Variants in ATP8A1 observed in about 807,000 individuals in gnomAD.
ATP8A1 encodes the protein ATPase phospholipid transporting 8A1.
Under a neutral mutation model 177.7 loss-of-function variants are expected in ATP8A1, and 90 were observed. That is an observed-to-expected ratio of 0.51 (90% CI 0.43 to 0.60). The LOEUF is 0.60. Ranked by LOEUF, ATP8A1 falls within the 20% of genes least tolerant of loss-of-function variation. The pLI is 0.00. For synonymous variants in ATP8A1, 493 were observed against 485.9 expected (o/e 1.01, Z -0.19); for missense variants, 1,072 against 1,392.8 (o/e 0.77, Z 3.67).
rs2153174644 is a variant in ATP8A1, at chr4:42,443,582, G to A, written c.3106C>T (p.Pro1036Ser). The A allele has an allele frequency of 7.2e-7, 1 of 1,387,094 alleles. No individual in the cohort carries two copies. Among genetic ancestry groups the A allele is most frequent in the Non-Finnish European group, 1.0e-6 (1 of 972,838 alleles). 85.9% of individuals were successfully genotyped at this position (1,387,094 alleles called of 1,614,324 possible). Residue 1036 changes from proline (P) to serine (S), a missense_variant, in exon 33 of 37, where the codon CCT becomes TCT. Transcript: ENST00000381668. ...CACATTACCTCTCCTGACATATCAG[G>A]GGCCATCGGAATGGCAGGCCACAGA... is the stretch of plus-strand genomic sequence containing the variant. ...SSLWPAIPMAPDMSGEAAMLF... is the reference protein window; with the variant it reads ...SSLWPAIPMASDMSGEAAMLF...
chr4:42,410,227 C>G lies in ATP8A1; in HGVS notation c.*2689G>C, dbSNP rs1186117301. ...TTTAGAAAGTCCATGCTCAATACCACTGTATACTATTCAACATTAAAGAAG... is the reference window on the plus strand; with the variant it reads ...TTTAGAAAGTCCATGCTCAATACCAGTGTATACTATTCAACATTAAAGAAG... On this transcript the variant is annotated 3_prime_UTR_variant, in exon 37 of 37. Transcript: ENST00000381668. 6.6e-6 allele frequency: 1 copy of G among 152,118 alleles called. No individual in the cohort carries two copies. The highest frequency in any genetic ancestry group is 2.1e-4 in the South Asian group (1 of 4,824). 9.4% of individuals were successfully genotyped at this position (152,118 alleles called of 1,614,324 possible). A position where few individuals can be genotyped will look rare whatever the true frequency, so the allele number is the denominator to read the frequency against.
chr4:42,648,976 T>C lies in ATP8A1; in HGVS notation c.49+7849A>G, dbSNP rs552820696. Among the ~76,000 whole-genome samples the C allele has an allele frequency of 2.6e-5, 4 of 152,314 alleles. No homozygotes were observed. The East Asian group carries it at 7.7e-4, about 29-fold the overall frequency. On this transcript the variant is annotated intron_variant, in intron 1 of 36. Transcript: ENST00000381668. The stretch of plus-strand genomic sequence containing the variant: ...TCAGTGGGAGTGTAAACCAGTATAA[T>C]CTTTCTAGCAATTTTCAAATATGTA...
At chr4:42,421,271 A>G (rs1296560090) in intron 35 of ATP8A1, among the ~76,000 whole-genome samples, 1 of 152,168 alleles carries the variant, frequency 6.6e-6, no homozygotes, top group Non-Finnish European at 1.5e-5. Context: ...TGGGATGCTG[A>G]GTCAGAGATT....
At chr4:42,641,498 ATTTC>A (rs1650375703) in intron 1 of ATP8A1, among the ~76,000 whole-genome samples, 1 of 145,004 alleles carries the variant, frequency 6.9e-6, no homozygotes, top group African/African-American at 2.5e-5. Context: ...ATCCTTTTAA[ATTTC>A]TTTTTTTTTT....
rs796474319 is a variant in ATP8A1 at position 42,635,798 on chromosome 4, TATATATATATATAC to T, written c.50-8703_50-8690del. Among the ~76,000 whole-genome samples the T allele has an allele frequency of 9.7e-3, 1,116 of 114,704 alleles. 51 individuals carry two copies. Among genetic ancestry groups the T allele is most frequent in the African/African-American group, 0.033 (981 of 29,426 alleles). 75.3% of individuals were successfully genotyped at this position (114,704 alleles called of 152,430 possible). ...ACACACACACATATATATATATATA[TATATATATATATAC>T]ACATGTATGTATGTATGTAAGCTTC... On this transcript the variant is annotated intron_variant, in intron 1 of 36. Transcript: ENST00000381668.
chr4:42,522,089 G>T, intron 22 of ATP8A1, 71 bp downstream of exon 22: 1 of 1,510,944 alleles, frequency 6.6e-7, no homozygotes, highest in Non-Finnish European at 8.9e-7. Flanking sequence ...TATTCCATTG[G>T]TTCCTTGAAT....
chr4:42,653,651 T>A (rs1741335819), intron 1 of ATP8A1, among the ~76,000 whole-genome samples: 1 of 152,246 alleles, frequency 6.6e-6, no homozygotes, highest in African/African-American at 2.4e-5. Context: ...CCCTCCCTTA[T>A]AACGATGTGG....
intron 35 of ATP8A1, among the ~76,000 whole-genome samples, chr4:42,422,240 C>G (rs567600476): frequency 6.6e-6 from 1 of 151,810 alleles, no homozygotes; most frequent in East Asian, 1.9e-4. Context: ...TACAAGTGCC[C>G]GTCACCATGC....
intron 12 of ATP8A1, among the ~76,000 whole-genome samples, chr4:42,577,770 GATA>G (rs1209320889): frequency 6.6e-6 from 1 of 152,098 alleles, no homozygotes; most frequent in Non-Finnish European, 1.5e-5. Context: ...GATATAACAT[GATA>G]ATCTGGTTGA....
Position 42,579,819 on chromosome 4 carries a change from G to C in ATP8A1, c.994C>G (p.Leu332Val). 1.2e-6 allele frequency: 2 copies of C among 1,613,118 alleles called. No individual in the cohort carries two copies. Among genetic ancestry groups the C allele is most frequent in the Non-Finnish European group, 1.7e-6 (2 of 1,179,616 alleles). Residue 332 changes from leucine (L) to valine (V), a missense_variant, in exon 11 of 37, where the codon CTA becomes GTA. Physicochemically the swap from Leu to Val is conservative, Grantham distance 32. Around this residue, in one of 5 missense-constraint regions of ATP8A1, gnomAD observed 20 missense variants for 51.3 expected, o/e 0.39. Coordinates refer to ENST00000381668, the MANE Select transcript of ATP8A1 (RefSeq NM_006095.2). ...RHSGKDWYLN[L>V]NYGGASNFGL... ...TAAGCACTTTATTGCTTACAGTTTA[G>C]ATTGAGATACCAGTCTTTTCCAGAA...
Position 42,457,682 on chromosome 4 carries a change from A to T in ATP8A1, c.2620-2083T>A, listed in dbSNP as rs1049909519. On this transcript the variant is annotated intron_variant, in intron 27 of 36. Coordinates refer to ENST00000381668, the MANE Select transcript of ATP8A1 (RefSeq NM_006095.2). Reference sequence around the variant, plus strand: ...TGTGGGCAAACATTAGTAAATACGAATGGTCCCCTAGCTTCTGTGTACCTA... The same window carrying T: ...TGTGGGCAAACATTAGTAAATACGATTGGTCCCCTAGCTTCTGTGTACCTA... 1.4e-4 allele frequency among the ~76,000 whole-genome samples: 21 copies of T among 152,192 alleles called. 1 individual carries two copies. Among genetic ancestry groups the T allele is most frequent in the African/African-American group, 5.1e-4 (21 of 41,450 alleles).
At chr4:42,560,458 T>C (rs1177346308) in intron 15 of ATP8A1, among the ~76,000 whole-genome samples, 1 of 152,096 alleles carries the variant, frequency 6.6e-6, no homozygotes, top group Non-Finnish European at 1.5e-5. Context: ...ATGCACATTA[T>C]ACACATATAC....
intron 8 of ATP8A1, among the ~76,000 whole-genome samples, chr4:42,587,310 C>CTTTTT (rs991848308): frequency 6.5e-5 from 9 of 137,430 alleles, no homozygotes; most frequent in East Asian, 2.1e-4. Context: ...CTTTTCTTTT[C>CTTTTT]TTTTTTTTTT....
intron 22 of ATP8A1, among the ~76,000 whole-genome samples, chr4:42,512,974 G>A (rs900222677): frequency 6.6e-6 from 1 of 152,180 alleles, no homozygotes; most frequent in Non-Finnish European, 1.5e-5. Flanking sequence ...TGCTGTGGTA[G>A]CATGAAAACA....
In ATP8A1 at chr4:42,528,876, ACTAAAATTAAGGGACCTT is replaced by A. The variant is rs1259152605; in HGVS notation, c.1723-4047_1723-4030del. On this transcript the variant is annotated intron_variant, in intron 20 of 36. Transcript: ENST00000381668. ...TGCCAGAGGATGGGAAATAAACCTG[ACTAAAATTAAGGGACCTT>A]CTACCCCAGTAAAATTTCTAGGGGT... is the stretch of plus-strand genomic sequence containing the variant. Among the ~76,000 whole-genome samples, 6 of 152,276 alleles carry A rather than the reference ACTAAAATTAAGGGACCTT, an allele frequency of 3.9e-5. No individual in the cohort carries two copies. The South Asian group carries it at 1.2e-3, about 32-fold the overall frequency.
At chr4:42,468,882 C>G (rs952170190) in intron 25 of ATP8A1, among the ~76,000 whole-genome samples, 1 of 152,116 alleles carries the variant, frequency 6.6e-6, no homozygotes, top group Non-Finnish European at 1.5e-5. Context: ...GGTTGCTAAA[C>G]AAAGATGTCA....
intron 24 of ATP8A1, among the ~76,000 whole-genome samples, chr4:42,494,851 C>T (rs1240222857): frequency 6.6e-6 from 1 of 152,130 alleles, no homozygotes; most frequent in African/African-American, 2.4e-5. Flanking sequence ...AAAGACGACA[C>T]CCAGGGTTTG....
chr4:42,490,419 T>C (rs1217647833), intron 24 of ATP8A1, among the ~76,000 whole-genome samples: 8 of 152,248 alleles, frequency 5.3e-5, no homozygotes, highest in Admixed American at 5.2e-4. Flanking sequence ...TATCCATGTC[T>C]AGTGGATTCC....
Position 42,565,027 on chromosome 4 carries a change from C to T in ATP8A1, c.1340+4134G>A, listed in dbSNP as rs556738809. Among the ~76,000 whole-genome samples the T allele has an allele frequency of 6.6e-5, 10 of 152,246 alleles. No homozygotes were observed. The South Asian group carries it at 1.9e-3, about 28-fold the overall frequency. On this transcript the variant is annotated intron_variant, in intron 15 of 36. Coordinates refer to ENST00000381668, the MANE Select transcript of ATP8A1 (RefSeq NM_006095.2). ...TTTTCCTGCACAAGCTCTCTCTTTGCGTGCTGCCATCCACGTAAGACATGA... is the reference window on the plus strand; with the variant it reads ...TTTTCCTGCACAAGCTCTCTCTTTGTGTGCTGCCATCCACGTAAGACATGA...
Sources: gnomAD v4.1 joint callset for allele counts (sites outside exome capture counted in the v4.1 genomes callset) on GRCh38, gnomAD v4.1.1 for gene constraint, gnomAD v4.1.1 regional missense constraint, MANE v1.5 for transcripts, NCBI Gene and HGNC (gene_info 2026-07-23, HGNC 2026-07-21) for gene names.